The following PCDHA2 variants were observed in gnomAD, a reference collection of about 807,000 sequenced individuals.
PCDHA2 encodes protocadherin alpha 2, also known as protocadherin alpha-2.
PCDHA2 carries 58 observed loss-of-function variants against 66.0 expected under a neutral mutation model. The observed-to-expected ratio is 0.88, with a 90% CI of 0.71 to 1.09. The LOEUF is 1.09. Among genes scored for constraint, PCDHA2 ranks in the 50% least tolerant of loss-of-function variants. The pLI is 0.00. For missense variants in PCDHA2, 1,267 were observed against 1,242.3 expected, an observed-to-expected ratio of 1.02 and a Z score of -0.30; for synonymous variants, 634 against 554.0, an observed-to-expected ratio of 1.14 and a Z score of -2.03.
chr5:140,851,042 C>A lies in PCDHA2; in HGVS notation c.2388+53690C>A, dbSNP rs2150268615. ...TAAAGTAAACCCCTTAACATTGGAG[C>A]CGACTTTGTCTTGACTTCTAGTGAG... On this transcript the variant is annotated intron_variant, in intron 1 of 3. Coordinates refer to ENST00000526136, the MANE Select transcript of PCDHA2 (RefSeq NM_018905.3). The A allele has an allele frequency of 2.2e-6, 3 of 1,392,218 alleles. No individual in the cohort carries two copies. The East Asian group carries it at 7.5e-5, about 35-fold the overall frequency. The allele number at this position is 1,392,218 out of a possible 1,614,324, so 86.2% of individuals were successfully genotyped here.
intron 1 of PCDHA2, chr5:140,861,475 G>C: frequency 4.1e-6 from 2 of 492,480 alleles, no homozygotes; most frequent in South Asian, 1.6e-5. Flanking sequence ...CTGCAGAATG[G>C]CATTTTTGTG....
In PCDHA2 at chr5:140,795,728, C is replaced by T. The variant is rs1761989970; in HGVS notation, c.764C>T (p.Thr255Met). The T allele has an allele frequency of 6.2e-7, 1 of 1,613,976 alleles. No individual in the cohort carries two copies. The highest frequency in any genetic ancestry group is 2.2e-5 in the East Asian group (1 of 44,870). Reference sequence around the variant, plus strand: ...TACAAAGTAAAATTGTTAGAGAATACGGCAAATGGGACCTTAGTGGTTAAG... The same window carrying T: ...TACAAAGTAAAATTGTTAGAGAATATGGCAAATGGGACCTTAGTGGTTAAG... ...SVYKVKLLEN[T>M]ANGTLVVKLN... Residue 255 changes from threonine (T) to methionine (M), a missense_variant, in exon 1 of 4, where the codon ACG becomes ATG. Coordinates refer to ENST00000526136, the MANE Select transcript of PCDHA2 (RefSeq NM_018905.3).
intron 1 of PCDHA2, among the ~76,000 whole-genome samples, chr5:140,905,575 G>A (rs1233481804): frequency 6.6e-6 from 1 of 152,138 alleles, no homozygotes; most frequent in Non-Finnish European, 1.5e-5. Flanking sequence ...TGTGAAGAAT[G>A]ATAATGATAT....
rs139533789 is a variant in PCDHA2, at chr5:140,857,716, C to G, written c.2388+60364C>G. ...TGACGCTGCAGGTGTTCGTGCTGGA[C>G]GAGAACGACAACGCTCCCGCGCTGC... On this transcript the variant is annotated intron_variant, in intron 1 of 3. Transcript: ENST00000526136. The G allele has an allele frequency of 3.1e-6, 5 of 1,597,272 alleles. No individual in the cohort carries two copies. Among genetic ancestry groups the G allele is most frequent in the East Asian group, 2.2e-5 (1 of 44,832 alleles).
intron 1 of PCDHA2, chr5:140,807,460 C>T (rs1763939402): frequency 6.2e-7 from 1 of 1,608,638 alleles, no homozygotes; most frequent in Non-Finnish European, 8.5e-7. Flanking sequence ...CTCGGATCGA[C>T]CGGGAGGAGC....
In PCDHA2 at chr5:140,877,291, C is replaced by G. The variant is rs527823173; in HGVS notation, c.2388+79939C>G. On this transcript the variant is annotated intron_variant, in intron 1 of 3. Coordinates refer to ENST00000526136, the MANE Select transcript of PCDHA2 (RefSeq NM_018905.3). ...CGCTGACTCCGGCTATAACGCTTGG[C>G]TGTCCTACGAGTTGCAACCGGCGGC... 4 of 1,613,932 alleles carry G rather than the reference C, an allele frequency of 2.5e-6. No homozygotes were observed. In the African/African-American group the frequency reaches 4.0e-5, roughly 16 times the overall value.
intron 1 of PCDHA2, chr5:140,807,370 G>A: frequency 6.2e-7 from 1 of 1,608,352 alleles, no homozygotes; most frequent in Non-Finnish European, 8.5e-7. Flanking sequence ...AGCTGGTGCC[G>A]CGCCTGTTCC....
At chr5:140,955,907 C>A (rs1356508512) in intron 1 of PCDHA2, among the ~76,000 whole-genome samples, 3 of 152,126 alleles carry the variant, frequency 2.0e-5, no homozygotes, top group East Asian at 3.8e-4. Flanking sequence ...CTCTTTGTAG[C>A]AATTGTGAAT....
At chr5:140,905,116 C>A (rs570992369) in intron 1 of PCDHA2, among the ~76,000 whole-genome samples, 1 of 152,282 alleles carries the variant, frequency 6.6e-6, no homozygotes, top group Non-Finnish European at 1.5e-5. Context: ...TTGCCTAAGC[C>A]AATGTCTAGA....
intron 1 of PCDHA2, among the ~76,000 whole-genome samples, chr5:140,917,473 C>G (rs1355146896): frequency 1.3e-5 from 2 of 152,196 alleles, no homozygotes; most frequent in Admixed American, 1.3e-4. Flanking sequence ...GTCATGAAAT[C>G]TTTGCCAGGG....
At chr5:140,932,287 T>C (rs1259585245) in intron 1 of PCDHA2, among the ~76,000 whole-genome samples, 2 of 151,896 alleles carry the variant, frequency 1.3e-5, no homozygotes, top group Admixed American at 6.6e-5. Context: ...AAAAACTGCA[T>C]TGACAATTTT....
intron 1 of PCDHA2, chr5:140,836,683 C>T (rs2150267743): frequency 6.8e-6 from 11 of 1,613,526 alleles, no homozygotes; most frequent in Non-Finnish European, 9.3e-6. Context: ...CCACCCAAGA[C>T]AGACCTCATG....
At chr5:140,877,258 G>A in intron 1 of PCDHA2, 1 of 1,613,780 alleles carries the variant, frequency 6.2e-7, no homozygotes, top group South Asian at 1.1e-5. Flanking sequence ...GAAAGTGCGC[G>A]CGGTGGACGC....
At chr5:140,802,928 G>A (rs1554122450) in intron 1 of PCDHA2, 1 of 1,613,704 alleles carries the variant, frequency 6.2e-7, no homozygotes, top group Admixed American at 1.7e-5. Context: ...GTGGCGCAGT[G>A]AGCGAGCTGG....
At chr5:140,916,933 A>G (rs1554197692) in intron 1 of PCDHA2, among the ~76,000 whole-genome samples, 3 of 152,162 alleles carry the variant, frequency 2.0e-5, no homozygotes, top group Non-Finnish European at 4.4e-5. Context: ...ACTTAAGCAT[A>G]TAGTGGTGAG....
rs1482950920 is a variant in PCDHA2 at position 140,867,382 on chromosome 5, CG to C, written c.2388+70032del. On this transcript the variant is annotated intron_variant, in intron 1 of 3. Coordinates refer to ENST00000526136, the MANE Select transcript of PCDHA2 (RefSeq NM_018905.3). ...TTTTACAGATGCGTAATGGAATTAA[CG>C]GTTATAAAAGTTGATATGTCTCCTT... 4 of 152,124 alleles carry C rather than the reference CG, an allele frequency of 2.6e-5. No individual in the cohort carries two copies. In the East Asian group the frequency reaches 7.7e-4, roughly 29 times the overall value. 9.4% of individuals were successfully genotyped at this position (152,124 alleles called of 1,614,324 possible).
intron 3 of PCDHA2, among the ~76,000 whole-genome samples, chr5:141,000,477 G>C (rs1191359491): frequency 1.5e-5 from 2 of 132,058 alleles, no homozygotes; most frequent in African/African-American, 5.8e-5. Context: ...GCCCAAGCTG[G>C]AGTGCAATGG....
At chr5:140,846,491 C>T (rs1471835490) in intron 1 of PCDHA2, among the ~76,000 whole-genome samples, 1 of 146,532 alleles carries the variant, frequency 6.8e-6, no homozygotes, top group Non-Finnish European at 1.5e-5. Context: ...TCTCCTTCCT[C>T]AGCCTCCCAA....
intron 1 of PCDHA2, chr5:140,867,045 T>C (rs1232896642): frequency 6.6e-6 from 1 of 152,200 alleles, no homozygotes; most frequent in Non-Finnish European, 1.5e-5. Flanking sequence ...ACTTGGCGTT[T>C]GTTCAGTACT....
Sources: gnomAD v4.1 joint callset for allele counts (sites outside exome capture counted in the v4.1 genomes callset) on GRCh38, gnomAD v4.1.1 for gene constraint, MANE v1.5 for transcripts, NCBI Gene and HGNC (gene_info 2026-07-23, HGNC 2026-07-21) for gene names.